The following ADAMTS12 variants were observed in gnomAD, a reference collection of about 807,000 sequenced individuals.
The protein encoded by ADAMTS12 is A disintegrin and metalloproteinase with thrombospondin motifs 12.
ADAMTS12 carries 118 observed loss-of-function variants against 167.8 expected under a neutral mutation model. That is an observed-to-expected ratio of 0.70 (90% CI 0.61 to 0.82). ADAMTS12 has a LOEUF of 0.82. ADAMTS12 is among the 40% of genes least tolerant of loss of function. The pLI, the probability that ADAMTS12 is intolerant of heterozygous loss-of-function variation, is 0.00. For missense variants in ADAMTS12, 1,916 were observed against 1,998.8 expected (o/e 0.96, Z 0.79); for synonymous variants, 704 against 716.9 (o/e 0.98, Z 0.29).
intron 20 of ADAMTS12, among the ~76,000 whole-genome samples, chr5:33,554,063 G>T (rs1415370901): frequency 1.3e-5 from 2 of 152,170 alleles, no homozygotes; most frequent in Non-Finnish European, 2.9e-5. Context: ...AAGATTATAT[G>T]CCATAGTTGT....
chr5:33,533,734 C>T (rs1333551781), intron 23 of ADAMTS12, among the ~76,000 whole-genome samples: 1 of 152,194 alleles, frequency 6.6e-6, no homozygotes, highest in Non-Finnish European at 1.5e-5. Context: ...AGATCTCTCT[C>T]CTGGCCTCCA....
intron 3 of ADAMTS12, among the ~76,000 whole-genome samples, chr5:33,736,264 T>C (rs1489686082): frequency 1.3e-5 from 2 of 152,108 alleles, no homozygotes; most frequent in Non-Finnish European, 2.9e-5. Context: ...GGTTTCACCA[T>C]ATTGGCCAGG....
At chr5:33,720,838 T>C (rs765822441) in intron 3 of ADAMTS12, among the ~76,000 whole-genome samples, 1 of 152,188 alleles carries the variant, frequency 6.6e-6, no homozygotes, top group Non-Finnish European at 1.5e-5. Context: ...AATTCCACTC[T>C]TAGGGATGTG....
chr5:33,801,191 A>G (rs1473301949), intron 2 of ADAMTS12, among the ~76,000 whole-genome samples: 1 of 152,200 alleles, frequency 6.6e-6, no homozygotes, highest in African/African-American at 2.4e-5. Flanking sequence ...CCGATTTTGG[A>G]CTTCTGGCCT....
At chr5:33,834,908 G>A (rs760190604) in intron 2 of ADAMTS12, among the ~76,000 whole-genome samples, 34 of 152,196 alleles carry the variant, frequency 2.2e-4, no homozygotes, top group Non-Finnish European at 2.9e-4. Context: ...TAATATCCTT[G>A]AGAATGGTGG....
At chr5:33,722,165 T>G (rs2112337094) in intron 3 of ADAMTS12, among the ~76,000 whole-genome samples, 1 of 152,296 alleles carries the variant, frequency 6.6e-6, no homozygotes, top group South Asian at 2.1e-4. Flanking sequence ...ATCATACATT[T>G]TTATATTTGG....
chr5:33,868,978 A>C (rs900980720), intron 2 of ADAMTS12, among the ~76,000 whole-genome samples: 20 of 152,340 alleles, frequency 1.3e-4, no homozygotes, highest in African/African-American at 4.6e-4. Flanking sequence ...TTTCTGAGGG[A>C]GGAATTCAAG....
chr5:33,706,743 A>C (rs991653545), intron 3 of ADAMTS12, among the ~76,000 whole-genome samples: 1 of 152,234 alleles, frequency 6.6e-6, no homozygotes, highest in African/African-American at 2.4e-5. Context: ...GCCTTCGATA[A>C]AAGTCAACAC....
intron 19 of ADAMTS12, among the ~76,000 whole-genome samples, chr5:33,567,217 C>G (rs973135159): frequency 1.3e-5 from 2 of 152,198 alleles, no homozygotes; most frequent in African/African-American, 4.8e-5. Flanking sequence ...TACATGTATG[C>G]CTTTTATCGC....
At chr5:33,557,716 T>A (rs910520984) in intron 20 of ADAMTS12, among the ~76,000 whole-genome samples, 4 of 152,040 alleles carry the variant, frequency 2.6e-5, no homozygotes, top group African/African-American at 9.7e-5. Flanking sequence ...ATGCCAGGGA[T>A]CCCCAATCCC....
intron 16 of ADAMTS12, among the ~76,000 whole-genome samples, chr5:33,609,135 T>C (rs1738591013): frequency 6.6e-6 from 1 of 152,140 alleles, no homozygotes; most frequent in Non-Finnish European, 1.5e-5. Flanking sequence ...ATTAAATAAA[T>C]GTGGTTGGAA....
In ADAMTS12 at chr5:33,615,975, A is replaced by T. The variant is rs139915816; in HGVS notation, c.2241T>A (p.Asp747Glu). The stretch of plus-strand genomic sequence containing the variant: ...CTCCATTCAGGTAATATTTTTCAGG[A>T]TCTTCACTCCTGATGGCCAGGAAGT... ...AGNFLAIRSE[D>E]PEKYYLNGGF... The change falls in exon 15 of 24, where the codon GAT (aspartate) becomes GAA (glutamate). Residue 747 changes from aspartate (D) to glutamate (E), a missense_variant. Asp to Glu is a conservative substitution (Grantham distance 45). Transcript: ENST00000504830. The T allele has an allele frequency of 6.2e-7, 1 of 1,614,120 alleles. No homozygotes were observed. Among genetic ancestry groups the T allele is most frequent in the Non-Finnish European group, 8.5e-7 (1 of 1,180,016 alleles).
At chr5:33,862,163 G>T (rs189446522) in intron 2 of ADAMTS12, among the ~76,000 whole-genome samples, 1 of 151,756 alleles carries the variant, frequency 6.6e-6, no homozygotes, top group South Asian at 2.1e-4. Flanking sequence ...GCAAAAGACA[G>T]GAAATAACTA....
intron 22 of ADAMTS12, among the ~76,000 whole-genome samples, chr5:33,535,906 C>T (rs1039972956): frequency 2.0e-5 from 3 of 152,096 alleles, no homozygotes; most frequent in South Asian, 2.1e-4. Context: ...AGAGCAACAG[C>T]GGACCCAGCT....
At chr5:33,718,574 C>T (rs1427582246) in intron 3 of ADAMTS12, among the ~76,000 whole-genome samples, 3 of 152,176 alleles carry the variant, frequency 2.0e-5, no homozygotes, top group South Asian at 2.1e-4. Flanking sequence ...CCTCCCAGTC[C>T]GTGGAAAAAA....
At chr5:33,720,100 C>G (rs577356817) in intron 3 of ADAMTS12, among the ~76,000 whole-genome samples, 1 of 152,120 alleles carries the variant, frequency 6.6e-6, no homozygotes, top group South Asian at 2.1e-4. Flanking sequence ...CTTATAAAAA[C>G]ATCCAGACAT....
intron 3 of ADAMTS12, among the ~76,000 whole-genome samples, chr5:33,735,800 A>T (rs1426137368): frequency 6.6e-6 from 1 of 152,172 alleles, no homozygotes; most frequent in Non-Finnish European, 1.5e-5. Context: ...AAGGAAAGGA[A>T]ACCTCTTCTA....
At chr5:33,885,844 G>T (rs75441235) in intron 1 of ADAMTS12, among the ~76,000 whole-genome samples, 26 of 152,332 alleles carry the variant, frequency 1.7e-4, no homozygotes, top group African/African-American at 5.8e-4. Context: ...CAGATCAACA[G>T]GAGTGTTAGC....
intron 16 of ADAMTS12, among the ~76,000 whole-genome samples, chr5:33,606,733 G>C (rs1320812802): frequency 6.6e-6 from 1 of 152,186 alleles, no homozygotes; most frequent in Non-Finnish European, 1.5e-5. Context: ...AGAGAAAAAA[G>C]AGGAAAAATA....
Sources: gnomAD v4.1 joint callset for allele counts (sites outside exome capture counted in the v4.1 genomes callset) on GRCh38, gnomAD v4.1.1 for gene constraint, MANE v1.5 for transcripts, NCBI Gene and HGNC (gene_info 2026-07-23, HGNC 2026-07-21) for gene names.